Variants in DPYD observed in about 807,000 individuals in gnomAD.
DPYD encodes the protein dihydropyrimidine dehydrogenase.
In DPYD, 109 loss-of-function variants were observed where a neutral mutation model predicts 116.2. That is an observed-to-expected ratio of 0.94 (90% CI 0.80 to 1.10). DPYD has a LOEUF of 1.10. Among genes scored for constraint, DPYD ranks in the 50% least tolerant of loss-of-function variants. The pLI is 0.00. For synonymous variants in DPYD, 440 were observed against 432.0 expected (o/e 1.02, Z -0.23); for missense variants, 1,302 against 1,254.5 (o/e 1.04, Z -0.57).
At chr1:97,624,482 A>T (rs1656809692) in intron 8 of DPYD, among the ~76,000 whole-genome samples, 1 of 152,080 alleles carries the variant, frequency 6.6e-6, no homozygotes, top group Non-Finnish European at 1.5e-5. Flanking sequence ...AGTGTTAGCA[A>T]GGATGTGGAG....
At chr1:97,572,575 A>G (rs1235917703) in intron 11 of DPYD, among the ~76,000 whole-genome samples, 1 of 151,978 alleles carries the variant, frequency 6.6e-6, no homozygotes, top group Non-Finnish European at 1.5e-5. Context: ...TAATAGTAAG[A>G]AGAATGGGAT....
Position 97,354,229 on chromosome 1 carries a change from C to T in DPYD, c.2058+19332G>A, listed in dbSNP as rs77807619. Among the ~76,000 whole-genome samples the T allele has an allele frequency of 6.5e-3, 991 of 152,240 alleles. 6 individuals are homozygous for T. The highest frequency in any genetic ancestry group is 0.012 in the Non-Finnish European group (788 of 68,016). On this transcript the variant is annotated intron_variant, in intron 16 of 22. Transcript: ENST00000370192. ...CATTTGGTCATAGGCATAGAGACAG[C>T]TGAAAAGTGCATCCCTTAATTCCAC... is the stretch of plus-strand genomic sequence containing the variant.
At chr1:97,660,372 A>G (rs1659178223) in intron 8 of DPYD, among the ~76,000 whole-genome samples, 1 of 152,154 alleles carries the variant, frequency 6.6e-6, no homozygotes, top group South Asian at 2.1e-4. Flanking sequence ...ATTATAAACA[A>G]TAAAACTAAT....
At chr1:97,754,752 T>G (rs1665135850) in intron 3 of DPYD, among the ~76,000 whole-genome samples, 1 of 152,178 alleles carries the variant, frequency 6.6e-6, no homozygotes, top group Non-Finnish European at 1.5e-5. Context: ...ATGCCCATCC[T>G]CAGATTATGT....
chr1:97,081,926 G>A (rs1386048055), intron 22 of DPYD, among the ~76,000 whole-genome samples: 1 of 152,010 alleles, frequency 6.6e-6, no homozygotes, highest in East Asian at 1.9e-4. Context: ...GAATGGAAGA[G>A]AACTCTCTTT....
intron 1 of DPYD, among the ~76,000 whole-genome samples, chr1:97,919,825 C>A (rs1475844210): frequency 6.6e-6 from 1 of 152,024 alleles, no homozygotes; most frequent in African/African-American, 2.4e-5. Flanking sequence ...TTTTTCAAAC[C>A]AAGTTATGGA....
At chr1:97,791,535 AT>A (rs1667320264) in intron 3 of DPYD, among the ~76,000 whole-genome samples, 1 of 152,316 alleles carries the variant, frequency 6.6e-6, no homozygotes, top group South Asian at 2.1e-4. Context: ...AGTAATTTGC[AT>A]TTTTGGTAAC....
chr1:97,095,649 T>C (rs960922863), intron 21 of DPYD, among the ~76,000 whole-genome samples: 6 of 151,848 alleles, frequency 4.0e-5, no homozygotes, highest in Non-Finnish European at 7.4e-5. Context: ...TATATACATA[T>C]ATACACACAC....
intron 14 of DPYD, among the ~76,000 whole-genome samples, chr1:97,387,819 T>G (rs1672439056): frequency 6.6e-6 from 1 of 151,996 alleles, no homozygotes; most frequent in African/African-American, 2.4e-5. Context: ...AGGACAGGAA[T>G]AGTATGAAAG....
chr1:97,345,867 A>G (rs866232963), intron 16 of DPYD, among the ~76,000 whole-genome samples: 2 of 151,900 alleles, frequency 1.3e-5, no homozygotes, highest in Non-Finnish European at 2.9e-5. Flanking sequence ...CACAAACAAT[A>G]TTTACACTTG....
chr1:97,600,772 C>T (rs533510611), intron 8 of DPYD, among the ~76,000 whole-genome samples: 3 of 152,210 alleles, frequency 2.0e-5, no homozygotes, highest in African/African-American at 4.8e-5. Context: ...TGAAATGATA[C>T]GTTTGAGTAC....
intron 18 of DPYD, among the ~76,000 whole-genome samples, chr1:97,284,315 C>A (rs1196103595): frequency 6.6e-6 from 1 of 151,850 alleles, no homozygotes; most frequent in Admixed American, 6.6e-5. Flanking sequence ...GATGTATATT[C>A]TCAATATTAA....
At chr1:97,697,680 A>C (rs1029696067) in intron 6 of DPYD, among the ~76,000 whole-genome samples, 2 of 152,068 alleles carry the variant, frequency 1.3e-5, no homozygotes, top group African/African-American at 4.8e-5. Context: ...ACTCTGTCTC[A>C]CTAAAAAAAT....
At chr1:97,909,556 T>C (rs776811815) in intron 1 of DPYD, among the ~76,000 whole-genome samples, 3 of 152,032 alleles carry the variant, frequency 2.0e-5, no homozygotes, top group Admixed American at 6.6e-5. Context: ...CTTTCCCCAA[T>C]GGCTATTGTC....
intron 1 of DPYD, among the ~76,000 whole-genome samples, chr1:97,884,264 T>C (rs1034483444): frequency 1.3e-5 from 2 of 151,992 alleles, no homozygotes; most frequent in African/African-American, 4.8e-5. Context: ...ATGAACAACA[T>C]ACCATTATTT....
At position 97,721,503 on chromosome 1, in the gene DPYD, T is replaced by C. The variant is rs547338918; in HGVS notation, c.483+7A>G. On this transcript the variant is annotated splice_region_variant and intron_variant, in intron 5 of 22. Coordinates refer to ENST00000370192, the MANE Select transcript of DPYD (RefSeq NM_000110.4). ...GTGGGGGGATGTCACGTGTATATCA[T>C]ACATACCTCAGTAGCAAATTGCTGC... The C allele has an allele frequency of 2.5e-6, 4 of 1,611,002 alleles. No individual in the cohort carries two copies. The highest frequency in any genetic ancestry group is 1.7e-5 in the Admixed American group (1 of 59,740).
chr1:97,359,836 AC>A (rs1319468190), intron 16 of DPYD, among the ~76,000 whole-genome samples: 1 of 152,222 alleles, frequency 6.6e-6, no homozygotes, highest in African/African-American at 2.4e-5. Flanking sequence ...AACAACCAGT[AC>A]CAGCCACTGC....
intron 20 of DPYD, among the ~76,000 whole-genome samples, chr1:97,148,511 A>C (rs1213597087): frequency 1.3e-5 from 2 of 152,200 alleles, no homozygotes; most frequent in African/African-American, 4.8e-5. Flanking sequence ...TATTTTAATT[A>C]TAGATCTATT....
intron 2 of DPYD, among the ~76,000 whole-genome samples, chr1:97,880,100 T>TA (rs1256258658): frequency 6.6e-6 from 1 of 151,588 alleles, no homozygotes; most frequent in Non-Finnish European, 1.5e-5. Context: ...GCTAGAAATA[T>TA]AAAGGAATCT....
Sources: allele counts gnomAD v4.1 joint callset (sites outside exome capture counted in the v4.1 genomes callset), GRCh38; gene constraint gnomAD v4.1.1; transcripts MANE v1.5; gene names NCBI Gene and HGNC (gene_info 2026-07-23, HGNC 2026-07-21).